SPTBN1: variants seen among roughly 807,000 people sequenced by gnomAD.
SPTBN1 encodes the protein spectrin beta chain, non-erythrocytic 1.
SPTBN1 carries 32 observed loss-of-function variants against 266.4 expected under a neutral mutation model. The observed-to-expected ratio is 0.12, with a 90% confidence interval of 0.09 to 0.16. The LOEUF is 0.16. Among genes scored for constraint, SPTBN1 ranks in the 10% least tolerant of loss-of-function variants. SPTBN1 has a pLI of 1.00. For synonymous variants in SPTBN1, 1,336 were observed against 1,162.2 expected, an observed-to-expected ratio of 1.15 and a Z score of -3.04; for missense variants, 2,296 against 3,067.1, an observed-to-expected ratio of 0.75 and a Z score of 5.94.
intron 1 of SPTBN1, among the ~76,000 whole-genome samples, chr2:54,463,998 A>T (rs1484791152): frequency 1.3e-5 from 2 of 152,238 alleles, no homozygotes; most frequent in East Asian, 3.8e-4. Context: ...TATGAAATAC[A>T]GACTAAATTA....
intron 2 of SPTBN1, among the ~76,000 whole-genome samples, chr2:54,588,065 C>T (rs1573475532): frequency 6.6e-6 from 1 of 152,114 alleles, no homozygotes; most frequent in African/African-American, 2.4e-5. Flanking sequence ...GTGGGATCAA[C>T]AGTATTATTA....
At chr2:54,610,956 A>T (rs1460940671) in intron 3 of SPTBN1, among the ~76,000 whole-genome samples, 2 of 152,228 alleles carry the variant, frequency 1.3e-5, no homozygotes, top group South Asian at 4.1e-4. Flanking sequence ...AGGCATTTTA[A>T]GTAGGCACTC....
At position 54,637,701 on chromosome 2, in the gene SPTBN1, C is replaced by A; in HGVS notation, c.3768-12C>A. 1 of 1,596,544 alleles carries A rather than the reference C, an allele frequency of 6.3e-7. No individual in the cohort carries two copies. The highest frequency in any genetic ancestry group is 8.6e-7 in the Non-Finnish European group (1 of 1,168,598). On this transcript the variant is annotated splice_polypyrimidine_tract_variant and intron_variant, in intron 17 of 35. Coordinates refer to ENST00000356805, the MANE Select transcript of SPTBN1 (RefSeq NM_003128.3). Reference sequence around the variant, plus strand: ...CCTTTTTTAAAAATTATTTTTGTTACCATTCTAATAGACATAGGAAGAATC... The same window carrying A: ...CCTTTTTTAAAAATTATTTTTGTTAACATTCTAATAGACATAGGAAGAATC...
chr2:54,529,153 A>T (rs1271061204), intron 2 of SPTBN1, among the ~76,000 whole-genome samples: 1 of 152,214 alleles, frequency 6.6e-6, no homozygotes, highest in African/African-American at 2.4e-5. Flanking sequence ...TAATTTACAT[A>T]TCCAACAGGC....
Position 54,647,111 on chromosome 2 carries a change from A to T in SPTBN1, c.4867-20A>T. The T allele has an allele frequency of 6.2e-7, 1 of 1,614,066 alleles. No individual in the cohort carries two copies. Among genetic ancestry groups the T allele is most frequent in the Non-Finnish European group, 8.5e-7 (1 of 1,179,998 alleles). On this transcript the variant is annotated intron_variant, in intron 23 of 35. Transcript: ENST00000356805. The stretch of plus-strand genomic sequence containing the variant: ...GCCAGAGGGGACCGCTATGGTTGTG[A>T]TGTTCTCCTGTCTTTGCAGGATGAG...
chr2:54,464,333 T>C (rs772461955), intron 1 of SPTBN1, among the ~76,000 whole-genome samples: 10 of 152,172 alleles, frequency 6.6e-5, no homozygotes, highest in Non-Finnish European at 1.3e-4. Context: ...TGGAATTCAA[T>C]GTAGTGCTTA....
At chr2:54,623,662 C>T in intron 10 of SPTBN1, 66 bp downstream of exon 10, 1 of 1,290,648 alleles carries the variant, frequency 7.7e-7, no homozygotes, top group Non-Finnish European at 1.1e-6. Flanking sequence ...ATCACTAGGT[C>T]TCGACTGCTA....
At position 54,558,769 on chromosome 2, in the gene SPTBN1, G is replaced by A. The variant is rs1217664958; in HGVS notation, c.148+32203G>A. On this transcript the variant is annotated intron_variant, in intron 2 of 35. Transcript: ENST00000356805. The surrounding 1 kb of genome is among the most constrained non-coding windows in gnomAD (Gnocchi z 4.6). Reference sequence around the variant, plus strand: ...AGGGCGCAGTCCTCCGGGGCGTTACGCCGGGCATAATGGAATTGCAGAGGA... The same window carrying A: ...AGGGCGCAGTCCTCCGGGGCGTTACACCGGGCATAATGGAATTGCAGAGGA... 4.3e-6 allele frequency: 7 copies of A among 1,610,936 alleles called. 1 individual carries two copies. The highest frequency in any genetic ancestry group is 3.3e-5 in the South Asian group (3 of 90,826).
Position 54,475,595 on chromosome 2 carries a change from C to T in SPTBN1, c.-48+19077C>T, listed in dbSNP as rs144459476. Among the ~76,000 whole-genome samples the T allele has an allele frequency of 2.7e-3, 407 of 152,188 alleles. 2 individuals carry two copies. Among genetic ancestry groups the T allele is most frequent in the African/African-American group, 9.4e-3 (392 of 41,532 alleles). The stretch of plus-strand genomic sequence containing the variant: ...GCCTCCTGCTACCATGTGACAGGCA[C>T]GTAACATGAGTGGGAAACATGCTTC... On this transcript the variant is annotated intron_variant, in intron 1 of 35. Coordinates refer to ENST00000356805, the MANE Select transcript of SPTBN1 (RefSeq NM_003128.3).
chr2:54,599,066 T>C (rs1676298114), intron 2 of SPTBN1, 26 bp from the exon 3 acceptor site: 1 of 1,611,850 alleles, frequency 6.2e-7, no homozygotes, highest in South Asian at 1.1e-5. Context: ...TGGTCAATGG[T>C]AAAACAAGTT....
At position 54,653,709 on chromosome 2, in the gene SPTBN1, G is replaced by C. The variant is rs779072606; in HGVS notation, c.5678G>C (p.Trp1893Ser). The change falls in exon 27 of 36, where the codon TGG (tryptophan) becomes TCG (serine). Residue 1893 changes from tryptophan (W) to serine (S), a missense_variant. Trp to Ser is a radical substitution (Grantham distance 177, BLOSUM62 -3). Coordinates refer to ENST00000356805, the MANE Select transcript of SPTBN1 (RefSeq NM_003128.3). This position sits in a 1 kb window ranked among gnomAD's most constrained non-coding sequence, Gnocchi z 5.1. The part of the protein sequence containing the change: ...QKRENEVLEA[W>S]KSLLDACESR... ...CGCGAGAACGAGGTCCTGGAAGCCT[G>C]GAAGTCCCTCCTGGACGCCTGTGAG... The C allele has an allele frequency of 6.2e-6, 10 of 1,614,210 alleles. No individual in the cohort carries two copies. In the East Asian group the frequency reaches 2.2e-4, roughly 36 times the overall value.
chr2:54,647,816 C>T (rs576307084), intron 24 of SPTBN1, among the ~76,000 whole-genome samples: 1 of 152,122 alleles, frequency 6.6e-6, no homozygotes, highest in South Asian at 2.1e-4. Flanking sequence ...GCACTCCAGC[C>T]TGGGTGACAG....
intron 2 of SPTBN1, among the ~76,000 whole-genome samples, chr2:54,552,210 A>C (rs1393427803): frequency 1.3e-5 from 2 of 152,244 alleles, no homozygotes; most frequent in Admixed American, 1.3e-4. Flanking sequence ...GAGATGGCCA[A>C]AAGTGGGATA....
At chr2:54,666,961 T>C (rs1681411250) in intron 34 of SPTBN1, among the ~76,000 whole-genome samples, 1 of 152,212 alleles carries the variant, frequency 6.6e-6, no homozygotes, top group African/African-American at 2.4e-5. Context: ...CCTTGGCTGC[T>C]TTCCCCTTTG....
At position 54,668,878 on chromosome 2, in the gene SPTBN1, T is replaced by C. The variant is rs1681562133; in HGVS notation, c.*309T>C. On this transcript the variant is annotated 3_prime_UTR_variant, in exon 36 of 36. Transcript: ENST00000356805. ...GGCTGTGTTGGAAATAACCCGCCTC[T>C]AGTGCTGTTGGTATGCAAGGCAGCG... The C allele has an allele frequency of 3.1e-6, 1 of 318,616 alleles. No homozygotes were observed. Among genetic ancestry groups the C allele is most frequent in the Admixed American group, 4.8e-5 (1 of 21,006 alleles). The allele number at this position is 318,616 out of a possible 1,614,324, so 19.7% of individuals were successfully genotyped here.
At chr2:54,658,877 C>G (rs1680850349) in intron 30 of SPTBN1, among the ~76,000 whole-genome samples, 1 of 152,168 alleles carries the variant, frequency 6.6e-6, no homozygotes, top group Non-Finnish European at 1.5e-5. Flanking sequence ...TTGAGAGTTG[C>G]ATAGTTACTT....
chr2:54,630,017 A>G lies in SPTBN1; in HGVS notation c.2795A>G (p.Lys932Arg). Reference protein sequence around the residue: ...SEKEIKAQQDKLNTRWSQFRE... With the variant: ...SEKEIKAQQDRLNTRWSQFRE... ...AAGGAAATCAAAGCCCAGCAGGACA[A>G]ACTCAACACAAGGTGAGCACGTGGC... Residue 932 changes from lysine (K) to arginine (R), a missense_variant, in exon 15 of 36, where the codon AAA becomes AGA. Lys to Arg is a conservative substitution (Grantham distance 26, BLOSUM62 2). Coordinates refer to ENST00000356805, the MANE Select transcript of SPTBN1 (RefSeq NM_003128.3). 1.2e-6 allele frequency: 2 copies of G among 1,613,900 alleles called. No individual in the cohort carries two copies. The highest frequency in any genetic ancestry group is 2.2e-5 in the East Asian group (1 of 44,882).
At chr2:54,562,001 AAC>A (rs199710205) in intron 2 of SPTBN1, among the ~76,000 whole-genome samples, 9 of 151,618 alleles carry the variant, frequency 5.9e-5, no homozygotes, top group African/African-American at 1.2e-4. Flanking sequence ...CCCAACACCC[AAC>A]ACACACACAC....
chr2:54,644,610 C>G (rs1162162997), intron 20 of SPTBN1, 24 bp downstream of exon 20: 3 of 1,585,854 alleles, frequency 1.9e-6, no homozygotes, highest in African/African-American at 1.3e-5. Flanking sequence ...CCATCATGGA[C>G]TTGGGTGTAT....
Sources: allele counts gnomAD v4.1 joint callset (sites outside exome capture counted in the v4.1 genomes callset), GRCh38; gene constraint gnomAD v4.1.1; non-coding constraint Gnocchi (gnomAD v3.1); transcripts MANE v1.5; gene names NCBI Gene and HGNC (gene_info 2026-07-23, HGNC 2026-07-21).